STARD13: variants seen among roughly 807,000 people sequenced by gnomAD.
STARD13 encodes stAR-related lipid transfer protein 13.
A neutral mutation model predicts 106.4 loss-of-function variants in STARD13; 62 were observed. The observed-to-expected ratio is 0.58, with a 90% CI of 0.48 to 0.72. The LOEUF is 0.72. Among genes scored for constraint, STARD13 ranks in the 30% least tolerant of loss-of-function variants. The pLI, the probability that STARD13 is intolerant of heterozygous loss-of-function variation, is 0.00. For missense variants in STARD13, 1,387 were observed against 1,424.0 expected, an observed-to-expected ratio of 0.97 and a Z score of 0.42; for synonymous variants, 565 against 553.0, an observed-to-expected ratio of 1.02 and a Z score of -0.31.
chr13:33,592,619 T>TA, the STARD13 span, among the ~76,000 whole-genome samples: 554 of 152,246 alleles, frequency 3.6e-3, 4 homozygotes, highest in East Asian at 0.042. Context: ...TTGAGGACTT[T>TA]AAAAAAAGTC....
At chr13:33,335,898 G>A (rs752709545) in intron 1 of STARD13, among the ~76,000 whole-genome samples, 2 of 152,184 alleles carry the variant, frequency 1.3e-5, no homozygotes, top group African/African-American at 4.8e-5. Context: ...GAACATACAC[G>A]GAGTCCTTAG....
chr13:33,264,732 T>C (rs1000758412), intron 1 of STARD13, among the ~76,000 whole-genome samples: 1 of 152,172 alleles, frequency 6.6e-6, no homozygotes, highest in Admixed American at 6.5e-5. Flanking sequence ...GAGCAGCCTA[T>C]TCTAGAGAAC....
chr13:33,595,074 C>T, the STARD13 span, among the ~76,000 whole-genome samples: 1 of 152,176 alleles, frequency 6.6e-6, no homozygotes. Context: ...TTCTGAGAAA[C>T]TTCCAAACTG....
At chr13:33,666,060 G>A in the STARD13 span, among the ~76,000 whole-genome samples, 4 of 152,182 alleles carry the variant, frequency 2.6e-5, no homozygotes, top group African/African-American at 9.7e-5. Context: ...AGGCCATGTG[G>A]TAATGTCTAC....
At chr13:33,303,223 C>A (rs970277003) in intron 1 of STARD13, among the ~76,000 whole-genome samples, 1 of 152,168 alleles carries the variant, frequency 6.6e-6, no homozygotes, top group African/African-American at 2.4e-5. Flanking sequence ...CTCTGTGTTG[C>A]TTTTTTGTCA....
At chr13:33,522,431 A>G in the STARD13 span, among the ~76,000 whole-genome samples, 1 of 152,070 alleles carries the variant, frequency 6.6e-6, no homozygotes, top group Non-Finnish European at 1.5e-5. Context: ...TTGGTGTTGT[A>G]TATTCTATTG....
chr13:33,439,228 A>G, the STARD13 span, among the ~76,000 whole-genome samples: 2 of 152,262 alleles, frequency 1.3e-5, no homozygotes, highest in Non-Finnish European at 2.9e-5. Flanking sequence ...AGATTCCACA[A>G]ATAAAGCTGC....
the STARD13 span, among the ~76,000 whole-genome samples, chr13:33,503,506 T>C: frequency 1.0e-3 from 159 of 152,244 alleles, 1 homozygote; most frequent in Non-Finnish European, 1.2e-3. Context: ...CCTGCTTTCT[T>C]TTGTGGGCAT....
At chr13:33,661,146 T>C in the STARD13 span, 2 of 152,340 alleles carry the variant, frequency 1.3e-5, no homozygotes, top group African/African-American at 4.8e-5. Context: ...ACTCAAAGAA[T>C]AGGATCTCAT....
At chr13:33,137,645 T>C (rs1382217793) in intron 4 of STARD13, among the ~76,000 whole-genome samples, 1 of 152,218 alleles carries the variant, frequency 6.6e-6, no homozygotes, top group Non-Finnish European at 1.5e-5. Flanking sequence ...TTGAGAAGCT[T>C]ATAATAAACA....
intron 1 of STARD13, among the ~76,000 whole-genome samples, chr13:33,341,250 A>T (rs1423369558): frequency 6.6e-6 from 1 of 152,246 alleles, no homozygotes; most frequent in Non-Finnish European, 1.5e-5. Flanking sequence ...AAAGCACAAA[A>T]GAGAAGTAGA....
intron 1 of STARD13, among the ~76,000 whole-genome samples, chr13:33,311,054 T>A (rs552317472): frequency 2.6e-4 from 39 of 151,694 alleles, no homozygotes; most frequent in African/African-American, 9.2e-4. Context: ...CCCAGCACTT[T>A]GGAAGGTCAA....
chr13:33,519,084 C>T, the STARD13 span, among the ~76,000 whole-genome samples: 346 of 152,210 alleles, frequency 2.3e-3, 2 homozygotes, highest in African/African-American at 7.7e-3. Context: ...TGATCAGATT[C>T]ATTATGCATC....
chr13:33,383,739 G>A, the STARD13 span: 7 of 133,356 alleles, frequency 5.2e-5, no homozygotes, highest in African/African-American at 1.2e-4. Flanking sequence ...TCTGAGAAAC[G>A]GAGTGAGACT....
intron 1 of STARD13, among the ~76,000 whole-genome samples, chr13:33,263,941 T>C (rs1260244873): frequency 6.6e-6 from 1 of 152,122 alleles, no homozygotes; most frequent in East Asian, 1.9e-4. Flanking sequence ...ACTAATAGAA[T>C]ACAGAAAAAG....
chr13:33,191,332 G>C (rs534743330), intron 1 of STARD13, among the ~76,000 whole-genome samples: 1 of 152,302 alleles, frequency 6.6e-6, no homozygotes, highest in Non-Finnish European at 1.5e-5. Flanking sequence ...CTACTTGTAT[G>C]ACCTTGGGCA....
At chr13:33,568,389 A>T in the STARD13 span, among the ~76,000 whole-genome samples, 1 of 148,098 alleles carries the variant, frequency 6.8e-6, no homozygotes, top group Admixed American at 7.0e-5. Context: ...GCAAAATTCT[A>T]TAAGATACTT....
intron 1 of STARD13, among the ~76,000 whole-genome samples, chr13:33,297,652 A>G (rs891923131): frequency 1.2e-4 from 18 of 152,192 alleles, no homozygotes; most frequent in Non-Finnish European, 2.4e-4. Context: ...AAACTGCACC[A>G]AAAAGATAAT....
chr13:33,632,148 C>G, the STARD13 span, among the ~76,000 whole-genome samples: 4 of 152,176 alleles, frequency 2.6e-5, no homozygotes, highest in Non-Finnish European at 5.9e-5. Context: ...AATCAACACA[C>G]TGTAGGCAAT....
Sources: gnomAD v4.1 joint callset for allele counts (sites outside exome capture counted in the v4.1 genomes callset) on GRCh38, gnomAD v4.1.1 for gene constraint, MANE v1.5 for transcripts, NCBI Gene and HGNC (gene_info 2026-07-23, HGNC 2026-07-21) for gene names.